The following ZNF768 variants were observed in gnomAD, a reference collection of about 807,000 sequenced individuals.
ZNF768 encodes the protein zinc finger protein 768.
A neutral mutation model predicts 39.7 loss-of-function variants in ZNF768; 12 were observed. That is an observed-to-expected ratio of 0.30 (90% confidence interval 0.19 to 0.49). The LOEUF (loss-of-function observed/expected upper bound fraction) is 0.49, where lower values mean the gene tolerates loss of function less well. ZNF768 is among the 20% of genes least tolerant of loss of function. The pLI is 0.99. For synonymous variants in ZNF768, 360 were observed against 288.4 expected (o/e 1.25, Z -2.52); for missense variants, 613 against 723.2 (o/e 0.85, Z 1.75).
At position 30,524,107 on chromosome 16, in the gene ZNF768, G is replaced by C. The variant is rs1485232251; in HGVS notation, c.*410C>G. ...ACGCAGAGGCCCAGGCCCCACCCCGGGGCCCCACTCCCCACCCCACCTACC... is the reference window on the plus strand; with the variant it reads ...ACGCAGAGGCCCAGGCCCCACCCCGCGGCCCCACTCCCCACCCCACCTACC... On this transcript the variant is annotated 3_prime_UTR_variant, in exon 2 of 2. Coordinates refer to ENST00000380412, the MANE Select transcript of ZNF768 (RefSeq NM_024671.4). 2 of 199,768 alleles carry C rather than the reference G, an allele frequency of 1.0e-5. No individual in the cohort carries two copies. Among genetic ancestry groups the C allele is most frequent in the Non-Finnish European group, 1.0e-5 (1 of 99,028 alleles). The allele number at this position is 199,768 out of a possible 1,614,324, so 12.4% of individuals were successfully genotyped here. A position where few individuals can be genotyped will look rare whatever the true frequency, so the allele number is the denominator to read the frequency against.
rs2051300679 is a variant in ZNF768, at chr16:30,524,452, G to A, written c.*65C>T. 3.3e-6 allele frequency: 5 copies of A among 1,535,182 alleles called. No individual in the cohort carries two copies. Among genetic ancestry groups the A allele is most frequent in the Non-Finnish European group, 4.3e-6 (5 of 1,150,408 alleles). On this transcript the variant is annotated 3_prime_UTR_variant, in exon 2 of 2. Coordinates refer to ENST00000380412, the MANE Select transcript of ZNF768 (RefSeq NM_024671.4). Reference sequence around the variant, plus strand: ...CGGCTTCTCCACTATCCTCCCTAAAGGTTCCTCTAGCTCCCTGGCCCCTTA... The same window carrying A: ...CGGCTTCTCCACTATCCTCCCTAAAAGTTCCTCTAGCTCCCTGGCCCCTTA...
upstream of ZNF768, chr16:30,526,919 G>A (rs530557819): frequency 3.0e-5 from 30 of 985,552 alleles, no homozygotes; most frequent in East Asian, 2.0e-3. Flanking sequence ...GGGCTGGAGG[G>A]GCCCGGCCAC....
Position 30,524,247 on chromosome 16 carries a change from G to C in ZNF768, c.*270C>G. On this transcript the variant is annotated 3_prime_UTR_variant, in exon 2 of 2. Coordinates refer to ENST00000380412, the MANE Select transcript of ZNF768 (RefSeq NM_024671.4). ...CCCTGCTCTAGCAGTTGCCAAGCCA[G>C]GCACCCACCAAGGAGCCGCGGCTGA... The C allele has an allele frequency of 2.5e-6, 1 of 401,410 alleles. No homozygotes were observed. The highest frequency in any genetic ancestry group is 4.4e-6 in the Non-Finnish European group (1 of 229,382). 24.9% of individuals were successfully genotyped at this position (401,410 alleles called of 1,614,324 possible).
chr16:30,529,825 T>G (rs1041380668), upstream of ZNF768, among the ~76,000 whole-genome samples: 1 of 148,992 alleles, frequency 6.7e-6, no homozygotes, highest in Non-Finnish European at 1.5e-5. Context: ...TAGCTAGTTT[T>G]TTTTTTTTTT....
chr16:30,524,879 G>A lies in ZNF768; in HGVS notation c.1261C>T (p.Arg421Cys). 2 of 1,611,764 alleles carry A rather than the reference G, an allele frequency of 1.2e-6. No individual in the cohort carries two copies. Among genetic ancestry groups the A allele is most frequent in the South Asian group, 1.1e-5 (1 of 91,066 alleles). Residue 421 changes from arginine to cysteine, a missense_variant, in exon 2 of 2, where the codon CGC becomes TGC. This residue lies in a region of ZNF768 where 204 missense variants were observed against 281.7 expected (regional missense o/e 0.72). Coordinates refer to ENST00000380412, the MANE Select transcript of ZNF768 (RefSeq NM_024671.4). ...AAGGGCTTCTCCCGGGCGTGGCTGCGGGCATGGGGGATAAGGGCCGACCGC... is the reference window on the plus strand; with the variant it reads ...AAGGGCTTCTCCCGGGCGTGGCTGCAGGCATGGGGGATAAGGGCCGACCGC... ...SQRSALIPHA[R>C]SHAREKPFKC...
chr16:30,530,083 C>A (rs187109142), upstream of ZNF768, among the ~76,000 whole-genome samples: 188 of 152,196 alleles, frequency 1.2e-3, no homozygotes, highest in African/African-American at 4.3e-3. This position sits in a 1 kb window ranked among gnomAD's most constrained non-coding sequence, Gnocchi z 4.4. Context: ...CCCGCCTCAG[C>A]CTCCCAAAAT....
chr16:30,527,111 G>C, upstream of ZNF768: 1 of 985,350 alleles, frequency 1.0e-6, no homozygotes, highest in Non-Finnish European at 1.2e-6. Flanking sequence ...AAGGAGCGAC[G>C]CTTCCCGGCG....
In ZNF768 at chr16:30,524,333, TCCCTCCAACCCACTTCCCACA is replaced by T; in HGVS notation, c.*163_*183del. The T allele has an allele frequency of 1.0e-6, 1 of 997,952 alleles. No individual in the cohort carries two copies. Among genetic ancestry groups the T allele is most frequent in the Non-Finnish European group, 1.4e-6 (1 of 721,344 alleles). The allele number at this position is 997,952 out of a possible 1,614,324, so 61.8% of individuals were successfully genotyped here. ...AGGGCCTCCCGCTGCCGGCCTGGCC[TCCCTCCAACCCACTTCCCACA>T]AGTCTCCAGGGCATGTCACTTCCTC... On this transcript the variant is annotated 3_prime_UTR_variant, in exon 2 of 2. Transcript: ENST00000380412.
chr16:30,526,174 G>GC (rs1229734337), intron 1 of ZNF768, 123 bp from the exon 2 acceptor site: 5 of 1,494,752 alleles, frequency 3.3e-6, no homozygotes, highest in Non-Finnish European at 3.6e-6. Flanking sequence ...AAATTCCCAC[G>GC]CCCCCCTCAG....
At chr16:30,527,402 C>T (rs1031741857), upstream of ZNF768, 5 of 870,678 alleles carry the variant, frequency 5.7e-6, no homozygotes, top group African/African-American at 7.3e-5. Flanking sequence ...GGCACAGCTT[C>T]TCCGCCCCAG....
chr16:30,528,565 A>C (rs1276852896), upstream of ZNF768, among the ~76,000 whole-genome samples: 1 of 152,170 alleles, frequency 6.6e-6, no homozygotes, highest in Non-Finnish European at 1.5e-5. Context: ...AATAATAATA[A>C]TAAAGGCTTA....
chr16:30,532,294 G>T, the ZNF768 span: 1 of 636,654 alleles, frequency 1.6e-6, no homozygotes, highest in Non-Finnish European at 2.7e-6. Flanking sequence ...CCCTGCCTCA[G>T]CAAAGGGGGC....
Position 30,525,454 on chromosome 16 carries a change from A to G in ZNF768, c.686T>C (p.Phe229Ser). The G allele has an allele frequency of 1.2e-6, 2 of 1,614,112 alleles. No homozygotes were observed. The highest frequency in any genetic ancestry group is 1.3e-5 in the African/African-American group (1 of 75,060). The change falls in exon 2 of 2, where the codon TTT becomes TCT. Residue 229 changes from phenylalanine (F) to serine (S), a missense_variant. Physicochemically the swap from Phe to Ser is radical, Grantham distance 155. Around this residue, in one of 4 missense-constraint regions of ZNF768, gnomAD observed 347 missense variants for 326.1 expected, o/e 1.06. Transcript: ENST00000380412. Reference protein sequence around the residue: ...PTGALLSTPQFEMLQNPLGLT... With the variant: ...PTGALLSTPQSEMLQNPLGLT... The stretch of plus-strand genomic sequence containing the variant: ...ACCCAGGGGATTCTGAAGCATCTCA[A>G]ACTGCGGTGTAGACAGCAGGGCCCC...
At position 30,524,978 on chromosome 16, in the gene ZNF768, G is replaced by C; in HGVS notation, c.1162C>G (p.Leu388Val). The C allele has an allele frequency of 6.2e-7, 1 of 1,614,010 alleles. No homozygotes were observed. Among genetic ancestry groups the C allele is most frequent in the Non-Finnish European group, 8.5e-7 (1 of 1,179,996 alleles). Residue 388 changes from leucine (L) to valine (V), a missense_variant, in exon 2 of 2, where the codon CTG becomes GTG. Physicochemically the swap from Leu to Val is conservative, Grantham distance 32. Coordinates refer to ENST00000380412, the MANE Select transcript of ZNF768 (RefSeq NM_024671.4). The stretch of plus-strand genomic sequence containing the variant: ...GTGTGCACCCTCTGATGGCTGCGCA[G>C]GGACGAGTTCTGGCTATAGCACTTG... ...CGKCYSQNSS[L>V]RSHQRVHTGQ...
upstream of ZNF768, chr16:30,526,840 C>T (rs1469755370): frequency 5.5e-6 from 5 of 913,144 alleles, no homozygotes; most frequent in East Asian, 1.2e-4. Flanking sequence ...GCGGCCAGGT[C>T]CCCCCGCCGG....
Position 30,525,404 on chromosome 16 carries a change from C to T in ZNF768, c.736G>A (p.Gly246Ser). Residue 246 changes from glycine (G) to serine (S), a missense_variant, in exon 2 of 2, where the codon GGT becomes AGT. By Grantham distance (56) the Gly-to-Ser change is moderately conservative (BLOSUM62 0). Around this residue, in one of 4 missense-constraint regions of ZNF768, gnomAD observed 347 missense variants for 326.1 expected, o/e 1.06. Coordinates refer to ENST00000380412, the MANE Select transcript of ZNF768 (RefSeq NM_024671.4). ...CCCCTGGCCCGGCCACCCCGCCGACCTGGACCTCGAAGGGCTCCTGTGAGA... is the reference window on the plus strand; with the variant it reads ...CCCCTGGCCCGGCCACCCCGCCGACTTGGACCTCGAAGGGCTCCTGTGAGA... The part of the protein sequence containing the change: ...LGLTGALRGP[G>S]RRGGRARGGQ... The T allele has an allele frequency of 1.2e-6, 2 of 1,614,170 alleles. No individual in the cohort carries two copies. Among genetic ancestry groups the T allele is most frequent in the Non-Finnish European group, 8.5e-7 (1 of 1,180,034 alleles).
chr16:30,527,421 G>C (rs1160457305), upstream of ZNF768: 2 of 759,068 alleles, frequency 2.6e-6, no homozygotes, highest in African/African-American at 1.9e-5. Context: ...AGGAAGCCCG[G>C]CGGTTGGCCG....
rs1024069610 is a variant in ZNF768, at chr16:30,525,445, A to C, written c.695T>G (p.Leu232Arg). Residue 232 changes from leucine (L) to arginine (R), a missense_variant, in exon 2 of 2, where the codon CTT (leucine) becomes CGT (arginine). Physicochemically the swap from Leu to Arg is moderately radical, Grantham distance 102. This residue lies in a region of ZNF768 where 347 missense variants were observed against 326.1 expected (regional missense o/e 1.06). Transcript: ENST00000380412. Reference protein sequence around the residue: ...ALLSTPQFEMLQNPLGLTGAL... With the variant: ...ALLSTPQFEMRQNPLGLTGAL... ...TCCTGTGAGACCCAGGGGATTCTGAAGCATCTCAAACTGCGGTGTAGACAG... is the reference window on the plus strand; with the variant it reads ...TCCTGTGAGACCCAGGGGATTCTGACGCATCTCAAACTGCGGTGTAGACAG... 1 of 1,614,112 alleles carries C rather than the reference A, an allele frequency of 6.2e-7. No homozygotes were observed. Among genetic ancestry groups the C allele is most frequent in the South Asian group, 1.1e-5 (1 of 91,086 alleles).
chr16:30,530,064 T>G (rs527489035), upstream of ZNF768, among the ~76,000 whole-genome samples: 13 of 152,092 alleles, frequency 8.5e-5, no homozygotes, highest in South Asian at 2.7e-3. The surrounding 1 kb of genome is among the most constrained non-coding windows in gnomAD (Gnocchi z 4.4). Flanking sequence ...CTCCTGACCT[T>G]GCGATCCGCC....
Sources: allele counts gnomAD v4.1 joint callset (sites outside exome capture counted in the v4.1 genomes callset), GRCh38; gene constraint gnomAD v4.1.1; regional missense constraint gnomAD v4.1.1; non-coding constraint Gnocchi (gnomAD v3.1); transcripts MANE v1.5; gene names NCBI Gene and HGNC (gene_info 2026-07-23, HGNC 2026-07-21).